Variants in TTC21A observed in about 807,000 individuals in gnomAD.
The protein encoded by TTC21A is tetratricopeptide repeat protein 21A.
A neutral mutation model predicts 156.4 loss-of-function variants in TTC21A; 128 were observed. The ratio of observed to expected loss-of-function variants is 0.82; its 90% CI spans 0.71 to 0.95. The LOEUF is 0.95. Among genes scored for constraint, TTC21A ranks in the 40% least tolerant of loss-of-function variants. The pLI, the probability that TTC21A is intolerant of heterozygous loss-of-function variation, is 0.00. For synonymous variants in TTC21A, 587 were observed against 617.1 expected (o/e 0.95, Z 0.72); for missense variants, 1,435 against 1,602.3 (o/e 0.90, Z 1.78).
At chr3:39,111,589 G>C (rs1175238597) in intron 4 of TTC21A, among the ~76,000 whole-genome samples, 2 of 152,170 alleles carry the variant, frequency 1.3e-5, no homozygotes, top group Non-Finnish European at 2.9e-5. Flanking sequence ...TCTAGGCCAT[G>C]CCTTCTCAGC....
chr3:39,123,807 GC>G (rs935850983), intron 9 of TTC21A, among the ~76,000 whole-genome samples: 12 of 151,792 alleles, frequency 7.9e-5, no homozygotes, highest in African/African-American at 2.9e-4. Flanking sequence ...GAAAACACTT[GC>G]AACAAAGGGT....
chr3:39,121,194 A>G lies in TTC21A; in HGVS notation c.1093+5A>G. 3 of 1,609,264 alleles carry G rather than the reference A, an allele frequency of 1.9e-6. No homozygotes were observed. Among genetic ancestry groups the G allele is most frequent in the Non-Finnish European group, 1.7e-6 (2 of 1,176,842 alleles). The stretch of plus-strand genomic sequence containing the variant: ...ATGGCATGGCTGGTTTGACAGGTAT[A>G]TGCAGGTGTGGCAGGGCTCAGGGAT... On this transcript the variant is annotated splice_donor_5th_base_variant and intron_variant, in intron 9 of 28. Coordinates refer to ENST00000683103, the MANE Select transcript of TTC21A (RefSeq NM_001366900.1).
In TTC21A at chr3:39,137,210, G is replaced by A. The variant is rs770530312; in HGVS notation, c.3273G>A (p.Lys1091=). 4 of 1,613,220 alleles carry A rather than the reference G, an allele frequency of 2.5e-6. No homozygotes were observed. The highest frequency in any genetic ancestry group is 3.4e-6 in the Non-Finnish European group (4 of 1,179,442). ...ACACCTGCAGCTACATGGAGAAGAA[G>A]GAGTTGGAGCAGCAGGGTGTGAGCA... ...QGAESNYMEK[K]ELEQQGVSTA... The change falls in exon 25 of 29, where the codon AAG becomes AAA. Residue 1091 remains lysine (K), a synonymous_variant. Coordinates refer to ENST00000683103, the MANE Select transcript of TTC21A (RefSeq NM_001366900.1).
At chr3:39,137,798 G>C in intron 26 of TTC21A, 88 bp downstream of exon 26, 1 of 1,384,752 alleles carries the variant, frequency 7.2e-7, no homozygotes, top group South Asian at 1.3e-5. Context: ...TGCAGGTAGA[G>C]GCCATATGGA....
At chr3:39,123,593 T>C (rs1175530980) in intron 9 of TTC21A, among the ~76,000 whole-genome samples, 1 of 152,062 alleles carries the variant, frequency 6.6e-6, no homozygotes, top group Non-Finnish European at 1.5e-5. Context: ...AACATAAAAA[T>C]TAAATGAAAC....
chr3:39,121,128 G>A lies in TTC21A; in HGVS notation c.1032G>A (p.Glu344=), dbSNP rs769337456. The change falls in exon 9 of 29, where the codon GAG becomes GAA. Residue 344 remains glutamate, a synonymous_variant. Transcript: ENST00000683103. The stretch of plus-strand genomic sequence containing the variant: ...TCATCCTGAAGAACCAAGTGAAAGA[G>A]GCCTTGCTGTGGTATTCAGAAGCCA... The part of the protein sequence containing the change: ...YLFILKNQVK[E]ALLWYSEAMK... The A allele has an allele frequency of 6.2e-7, 1 of 1,614,152 alleles. No individual in the cohort carries two copies. The highest frequency in any genetic ancestry group is 8.5e-7 in the Non-Finnish European group (1 of 1,180,020).
At position 39,108,156 on chromosome 3, in the gene TTC21A, C is replaced by G. The variant is rs1045976375; in HGVS notation, c.27+292C>G. ...CTTCTTCCACCCAGCTCACTCTCGC[C>G]TGCGCCTCCCACCCCAGTTGATGGC... On this transcript the variant is annotated intron_variant, in intron 1 of 28. Transcript: ENST00000683103. 69 of 566,652 alleles carry G rather than the reference C, an allele frequency of 1.2e-4. No individual in the cohort carries two copies. In the South Asian group the frequency reaches 1.5e-3, roughly 13 times the overall value. The allele number at this position is 566,652 out of a possible 1,614,324, so 35.1% of individuals were successfully genotyped here.
In TTC21A at chr3:39,128,472, T is replaced by G; in HGVS notation, c.1664T>G (p.Val555Gly). 1 of 1,614,168 alleles carries G rather than the reference T, an allele frequency of 6.2e-7. No individual in the cohort carries two copies. The change falls in exon 13 of 29, where the codon GTC becomes GGC. Residue 555 changes from valine (V) to glycine (G), a missense_variant. By Grantham distance (109) the Val-to-Gly change is moderately radical. Coordinates refer to ENST00000683103, the MANE Select transcript of TTC21A (RefSeq NM_001366900.1). ...TGCTTCCACTGCTTAGAGCTGGGTG[T>G]CAGCCACAACTTCCAGGTGGGTGCC... ...GMCFHCLELG[V>G]SHNFQVRDHP... is the part of the protein sequence containing the mutation.
At chr3:39,114,342 C>T (rs1385672773) in intron 5 of TTC21A, among the ~76,000 whole-genome samples, 2 of 152,218 alleles carry the variant, frequency 1.3e-5, no homozygotes, top group Non-Finnish European at 2.9e-5. Flanking sequence ...AAGCTTGAGG[C>T]TTAGCTATCT....
Position 39,128,084 on chromosome 3 carries a change from G to T in TTC21A, c.1523-247G>T, listed in dbSNP as rs1317483781. On this transcript the variant is annotated intron_variant, in intron 12 of 28. Coordinates refer to ENST00000683103, the MANE Select transcript of TTC21A (RefSeq NM_001366900.1). ...AAGTGACTTAGCTATCTCCCTGAGG[G>T]TTACAGAGACAAGAAGGGTGTTGCA... is the stretch of plus-strand genomic sequence containing the variant. Among the ~76,000 whole-genome samples the T allele has an allele frequency of 2.0e-5, 3 of 152,290 alleles. No individual in the cohort carries two copies. The South Asian group carries it at 6.2e-4, about 32-fold the overall frequency.
chr3:39,137,678 G>C lies in TTC21A; in HGVS notation c.3643G>C (p.Glu1215Gln), dbSNP rs373916024. 2 of 1,613,570 alleles carry C rather than the reference G, an allele frequency of 1.2e-6. No homozygotes were observed. The highest frequency in any genetic ancestry group is 1.3e-5 in the African/African-American group (1 of 74,926). The change falls in exon 26 of 29, where the codon GAA (glutamate) becomes CAA (glutamine). Residue 1215 changes from glutamate (E) to glutamine (Q), a missense_variant. Coordinates refer to ENST00000683103, the MANE Select transcript of TTC21A (RefSeq NM_001366900.1). ...GGGCAGCAAGTTCGACCTCGCCTTAGAACTGCTGCGGCGCTGTGTGCAATA... is the reference window on the plus strand; with the variant it reads ...GGGCAGCAAGTTCGACCTCGCCTTACAACTGCTGCGGCGCTGTGTGCAATA... ...CQGSKFDLAL[E>Q]LLRRCVQYNK...
At chr3:39,127,420 A>T (rs2038360303) in intron 12 of TTC21A, among the ~76,000 whole-genome samples, 1 of 152,184 alleles carries the variant, frequency 6.6e-6, no homozygotes, top group Admixed American at 6.5e-5. Context: ...GGTATCCTGG[A>T]TACAAGGCCA....
intron 19 of TTC21A, 41 bp downstream of exon 19, chr3:39,131,136 C>A: frequency 6.6e-7 from 1 of 1,521,392 alleles, no homozygotes. Flanking sequence ...CTGCCATCTG[C>A]TGATGGGGGC....
In TTC21A at chr3:39,118,153, AG is replaced by A; in HGVS notation, c.801+1del. Reference sequence around the variant, plus strand: ...TTGCAAGAGAAGGAAACATGACCACAGTAAGTTCTTTGAAGACTCAGAAGGT... The same window carrying A: ...TTGCAAGAGAAGGAAACATGACCACATAAGTTCTTTGAAGACTCAGAAGGT... On this transcript the variant is annotated splice_donor_variant, in intron 7 of 28. Transcript: ENST00000683103. LOFTEE classifies it high-confidence loss of function. The A allele has an allele frequency of 1.2e-6, 2 of 1,614,138 alleles. No individual in the cohort carries two copies. Among genetic ancestry groups the A allele is most frequent in the South Asian group, 2.2e-5 (2 of 91,078 alleles).
intron 7 of TTC21A, chr3:39,118,447 G>C (rs548165249): frequency 1.2e-5 from 6 of 488,752 alleles, no homozygotes; most frequent in African/African-American, 1.1e-4. Context: ...CAGGCTTCCT[G>C]TTTGTAAAAT....
intron 9 of TTC21A, among the ~76,000 whole-genome samples, chr3:39,123,789 A>G (rs1185443116): frequency 1.3e-5 from 2 of 152,184 alleles, no homozygotes; most frequent in African/African-American, 4.8e-5. Flanking sequence ...ATAAATGGCA[A>G]ACTAATAGAA....
intron 8 of TTC21A, among the ~76,000 whole-genome samples, chr3:39,120,522 G>A (rs1011937196): frequency 2.0e-5 from 3 of 152,178 alleles, no homozygotes; most frequent in African/African-American, 7.2e-5. Context: ...AGATTTACTA[G>A]AAGTAGTTGC....
At chr3:39,131,292 G>C (rs1336117116) in intron 19 of TTC21A, among the ~76,000 whole-genome samples, 197 bp downstream of exon 19, 2 of 152,204 alleles carry the variant, frequency 1.3e-5, no homozygotes, top group South Asian at 2.1e-4. Flanking sequence ...TGTGCTCTGA[G>C]CTGTGGTGGG....
chr3:39,134,371 C>A lies in TTC21A; in HGVS notation c.2862+43C>A. ...CCCACTCCCTCCCCTCCCTTCCTCC[C>A]TTCCCAGGGTCCCTGTGACCAGATG... On this transcript the variant is annotated intron_variant, in intron 21 of 28. Coordinates refer to ENST00000683103, the MANE Select transcript of TTC21A (RefSeq NM_001366900.1). The surrounding 1 kb of genome is among the most constrained non-coding windows in gnomAD (Gnocchi z 4.6). 1.4e-6 allele frequency: 2 copies of A among 1,394,360 alleles called. No homozygotes were observed. The highest frequency in any genetic ancestry group is 1.0e-6 in the Non-Finnish European group (1 of 979,578). The allele number at this position is 1,394,360 out of a possible 1,614,324, so 86.4% of individuals were successfully genotyped here. A position where few individuals can be genotyped will look rare whatever the true frequency, so the allele number is the denominator to read the frequency against.
Sources: allele counts gnomAD v4.1 joint callset (sites outside exome capture counted in the v4.1 genomes callset), GRCh38; gene constraint gnomAD v4.1.1; non-coding constraint Gnocchi (gnomAD v3.1); transcripts MANE v1.5; gene names NCBI Gene and HGNC (gene_info 2026-07-23, HGNC 2026-07-21).